CCDC120: variants seen among roughly 807,000 people sequenced by gnomAD.
CCDC120 encodes the protein coiled-coil domain containing 120.
CCDC120 carries 16 observed loss-of-function variants against 37.6 expected under a neutral mutation model. The observed-to-expected ratio is 0.43, with a 90% confidence interval of 0.29 to 0.65. The LOEUF is 0.65. Among genes scored for constraint, CCDC120 ranks in the 30% least tolerant of loss-of-function variants. CCDC120 has a pLI of 0.18. For synonymous variants in CCDC120, 309 were observed against 275.4 expected, an observed-to-expected ratio of 1.12 and a Z score of -1.21; for missense variants, 650 against 657.4, an observed-to-expected ratio of 0.99 and a Z score of 0.12.
chrX:49,064,936 G>T (rs182355912), intron 6 of CCDC120, 100 bp from the exon 7 acceptor site: 1 of 900,629 alleles, frequency 1.1e-6, no homozygotes, highest in Admixed American at 2.5e-5. Context: ...GCGGAAACTG[G>T]CCAGAAGGTG....
In CCDC120 at chrX:49,066,815, G is replaced by T. The variant is rs963056355; in HGVS notation, c.1062-361G>T. 872 of 189,575 alleles carry T rather than the reference G, an allele frequency of 4.6e-3. 11 individuals carry two copies. The highest frequency in any genetic ancestry group is 0.025 in the African/African-American group (834 of 33,020). The allele number at this position is 189,575 out of a possible 1,213,427, so 15.6% of individuals were successfully genotyped here. A position where few individuals can be genotyped will look rare whatever the true frequency, so the allele number is the denominator to read the frequency against. On this transcript the variant is annotated intron_variant, in intron 9 of 10. Coordinates refer to ENST00000603986, the MANE Select transcript of CCDC120 (RefSeq NM_001163321.4). ...CCTAGGACTTAATCCTGGAGGCCGT[G>T]CGAGCCATGAGAACGGCCTTAGCAG...
intron 6 of CCDC120, 65 bp downstream of exon 6, chrX:49,064,729 G>A: frequency 9.2e-7 from 1 of 1,087,147 alleles, no homozygotes; most frequent in Non-Finnish European, 1.2e-6. Context: ...GGGCTGGGAT[G>A]GGTGACTGGC....
intron 9 of CCDC120, 183 bp from the exon 10 acceptor site, chrX:49,066,988 CTAGGA>C (rs1371170800): frequency 1.1e-5 from 5 of 445,414 alleles, no homozygotes; most frequent in Non-Finnish European, 2.0e-5. Flanking sequence ...ACCGCCTAGC[CTAGGA>C]TAGAACCTCA....
rs782638462 is a variant in CCDC120 at position 49,062,121 on chromosome X, C to T, written c.63+17C>T. 1.7e-5 allele frequency: 20 copies of T among 1,158,171 alleles called. No homozygotes were observed. Among genetic ancestry groups the T allele is most frequent in the Non-Finnish European group, 2.1e-5 (18 of 872,754 alleles). ...TCTGAAAGGGCAGGTCAAGCAGGCA[C>T]GTGGGGCCCAGGTTACCCCTTATTC... is the stretch of plus-strand genomic sequence containing the variant. On this transcript the variant is annotated intron_variant, in intron 2 of 10. Transcript: ENST00000603986.
In CCDC120 at chrX:49,060,976, C is replaced by T. The variant is rs181930228; in HGVS notation, c.-83-983C>T. 5.5e-4 allele frequency among the ~76,000 whole-genome samples: 61 copies of T among 111,315 alleles called. 3 individuals carry two copies. The South Asian group carries it at 0.013, about 24-fold the overall frequency. ...ATGGAGCTCTGTGGCCCCATAAAGC[C>T]CTCCCAGTCACCTGCCACCTAGGTT... On this transcript the variant is annotated intron_variant, in intron 1 of 10. Transcript: ENST00000603986.
chrX:49,067,238 G>C lies in CCDC120; in HGVS notation c.1124G>C (p.Arg375Pro). 8.3e-7 allele frequency: 1 copy of C among 1,211,288 alleles called. No homozygotes were observed. Among genetic ancestry groups the C allele is most frequent in the Non-Finnish European group, 1.1e-6 (1 of 895,403 alleles). Residue 375 changes from arginine (R) to proline (P), a missense_variant, in exon 10 of 11, where the codon CGG becomes CCG. Transcript: ENST00000603986. ...CAGGACTCCCAGATGGGCTTCCCCC[G>C]GGCGGACCCTGCCTCCGATCGCGCC... ...GSQDSQMGFP[R>P]ADPASDRASL...
intron 1 of CCDC120, among the ~76,000 whole-genome samples, chrX:49,059,650 G>T (rs193148394): frequency 1.8e-5 from 2 of 112,619 alleles, no homozygotes; most frequent in African/African-American, 6.4e-5. Context: ...TGCCACCCAG[G>T]TGAGGTATCT....
intron 5 of CCDC120, 49 bp from the exon 6 acceptor site, chrX:49,064,321 G>A (rs1212651572): frequency 3.6e-6 from 4 of 1,119,845 alleles, no homozygotes; most frequent in Non-Finnish European, 3.5e-6. Context: ...GTTTGGCCCC[G>A]CCAGGTCCCT....
At chrX:49,062,162 G>A (rs1368690547) in intron 2 of CCDC120, 58 bp downstream of exon 2, 10 of 1,167,823 alleles carry the variant, frequency 8.6e-6, no homozygotes, top group Non-Finnish European at 1.1e-5. Context: ...TGTGGCATGG[G>A]AAGCTGGGAA....
At chrX:49,055,946 A>G (rs2064827496), upstream of CCDC120, among the ~76,000 whole-genome samples, 1 of 111,909 alleles carries the variant, frequency 8.9e-6, no homozygotes, top group Non-Finnish European at 1.9e-5. Flanking sequence ...AAATTGAGAT[A>G]ATGAAGAATA....
rs2064946397 is a variant in CCDC120, at chrX:49,065,780, T to C, written c.996T>C (p.Ser332=). The part of the protein sequence containing the change: ...PTRSLPRSAS[S]FEGRSVPATP... Reference sequence around the variant, plus strand: ...GCTCGCTGCCCAGGAGTGCCTCCAGTTTTGAGGGGCGAAGTGTGCCTGCCA... The same window carrying C: ...GCTCGCTGCCCAGGAGTGCCTCCAGCTTTGAGGGGCGAAGTGTGCCTGCCA... The change falls in exon 9 of 11, where the codon AGT becomes AGC. Residue 332 remains serine, a synonymous_variant. Coordinates refer to ENST00000603986, the MANE Select transcript of CCDC120 (RefSeq NM_001163321.4). 8.5e-7 allele frequency: 1 copy of C among 1,171,680 alleles called. No individual in the cohort carries two copies.
intron 9 of CCDC120, chrX:49,066,825 A>C: frequency 5.6e-6 from 1 of 179,802 alleles, no homozygotes; most frequent in Non-Finnish European, 1.0e-5. Flanking sequence ...GCGAGCCATG[A>C]GAACGGCCTT....
In CCDC120 at chrX:49,065,499, C is replaced by T. The variant is rs782328065; in HGVS notation, c.833C>T (p.Pro278Leu). 1.7e-6 allele frequency: 2 copies of T among 1,208,731 alleles called. No individual in the cohort carries two copies. The highest frequency in any genetic ancestry group is 2.2e-5 in the Admixed American group (1 of 45,423). The change falls in exon 8 of 11, where the codon CCC becomes CTC. Residue 278 changes from proline to leucine, a missense_variant. By Grantham distance (98) the Pro-to-Leu change is moderately conservative. Transcript: ENST00000603986. ...CFSLAERPSP[P>L]KAWDQLRAVS... ...TCTCTGGCCGAGCGCCCCTCACCAC[C>T]CAAGGCTTGGGACCAGCTGCGGGCA...
At chrX:49,061,387 A>G (rs1557079409) in intron 1 of CCDC120, among the ~76,000 whole-genome samples, 1 of 112,004 alleles carries the variant, frequency 8.9e-6, no homozygotes, top group Non-Finnish European at 1.9e-5. Context: ...TACTTACTCT[A>G]TCTTTTATTC....
chrX:49,055,756 C>T (rs1243265991), upstream of CCDC120, among the ~76,000 whole-genome samples: 3 of 111,661 alleles, frequency 2.7e-5, no homozygotes, highest in Non-Finnish European at 5.6e-5. Context: ...AACAAGATGC[C>T]AGACCTATCT....
intron 9 of CCDC120, chrX:49,066,778 T>C (rs2064958062): frequency 7.4e-6 from 1 of 134,365 alleles, no homozygotes; most frequent in Non-Finnish European, 1.4e-5. Flanking sequence ...GTTTTACATG[T>C]GAGCCCTAAG....
chrX:49,058,575 G>A (rs2064847279), upstream of CCDC120, among the ~76,000 whole-genome samples: 1 of 112,709 alleles, frequency 8.9e-6, no homozygotes, highest in South Asian at 3.6e-4. Flanking sequence ...AATCCTCTGG[G>A]AATTTGGGCA....
At chrX:49,057,933 T>C (rs1443416746), upstream of CCDC120, among the ~76,000 whole-genome samples, 1 of 111,663 alleles carries the variant, frequency 9.0e-6, no homozygotes, top group Non-Finnish European at 1.9e-5. Context: ...CTCAAAGCTC[T>C]CATTTCCTTC....
intron 7 of CCDC120, 45 bp downstream of exon 7, chrX:49,065,143 C>G: frequency 8.8e-7 from 1 of 1,140,835 alleles, no homozygotes; most frequent in Non-Finnish European, 1.2e-6. Flanking sequence ...TCCTACGTCC[C>G]TTTAGCCCAT....
Sources: allele counts gnomAD v4.1 joint callset (sites outside exome capture counted in the v4.1 genomes callset), GRCh38; gene constraint gnomAD v4.1.1; transcripts MANE v1.5; gene names NCBI Gene and HGNC (gene_info 2026-07-23, HGNC 2026-07-21).